Variants in POC1B observed in about 807,000 individuals in gnomAD.
The protein encoded by POC1B is POC1 centriolar protein homolog B.
In POC1B, 44 loss-of-function variants were observed where a neutral mutation model predicts 60.6. The ratio of observed to expected loss-of-function variants is 0.73; its 90% CI spans 0.57 to 0.93. The LOEUF is 0.93. POC1B is among the 40% of genes least tolerant of loss of function. The pLI is 0.00. For missense variants in POC1B, 555 were observed against 572.3 expected (o/e 0.97, Z 0.31); for synonymous variants, 180 against 198.9 (o/e 0.90, Z 0.80).
the POC1B span, among the ~76,000 whole-genome samples, chr12:89,413,230 G>C: frequency 6.6e-6 from 1 of 150,828 alleles, no homozygotes; most frequent in Admixed American, 6.6e-5. Context: ...TTTAGAAACA[G>C]GGTCTCACTA....
At position 89,491,953 on chromosome 12, in the gene POC1B, G is replaced by A. The variant is rs1246075872; in HGVS notation, c.435C>T (p.His145=). Residue 145 remains histidine, a synonymous_variant, in exon 4 of 12, where the codon CAC becomes CAT. Coordinates refer to ENST00000313546, the MANE Select transcript of POC1B (RefSeq NM_172240.3). ...GCACTTACTTGGCACAGCGTACCCAGTGTGTATGTCGATACAAGGAATACA... is the reference window on the plus strand; with the variant it reads ...GCACTTACTTGGCACAGCGTACCCAATGTGTATGTCGATACAAGGAATACA... ...RFLYSLYRHT[H]WVRCAKFSPD... is the part of the protein sequence containing the mutation. 2 of 1,556,850 alleles carry A rather than the reference G, an allele frequency of 1.3e-6. No homozygotes were observed. Among genetic ancestry groups the A allele is most frequent in the East Asian group, 2.3e-5 (1 of 43,688 alleles).
chr12:89,415,770 T>C (rs917469530), downstream of POC1B, among the ~76,000 whole-genome samples: 5 of 152,250 alleles, frequency 3.3e-5, no homozygotes, highest in Admixed American at 2.0e-4. Context: ...TCACCTTTTA[T>C]GGTTAAGGAA....
At chr12:89,515,706 A>G (rs1403266650) in intron 2 of POC1B, among the ~76,000 whole-genome samples, 1 of 152,020 alleles carries the variant, frequency 6.6e-6, no homozygotes, top group African/African-American at 2.4e-5. Context: ...CACTTCTCAA[A>G]TCTCTGATTG....
chr12:89,460,465 C>T (rs915805026), intron 9 of POC1B, among the ~76,000 whole-genome samples: 2 of 151,922 alleles, frequency 1.3e-5, no homozygotes, highest in African/African-American at 4.8e-5. Context: ...AGCAAAATAC[C>T]ACTTAATACC....
At chr12:89,414,253 T>G in the POC1B span, among the ~76,000 whole-genome samples, 1 of 152,200 alleles carries the variant, frequency 6.6e-6, no homozygotes, top group Non-Finnish European at 1.5e-5. Context: ...TGATCGTTAT[T>G]TCTCCTATTG....
Position 89,470,414 on chromosome 12 carries a change from T to G in POC1B, c.757A>C (p.Lys253Gln). 1 of 1,605,336 alleles carries G rather than the reference T, an allele frequency of 6.2e-7. No homozygotes were observed. The change falls in exon 7 of 12, where the codon AAG (lysine) becomes CAG (glutamine). Residue 253 changes from lysine to glutamine, a missense_variant. Physicochemically the swap from Lys to Gln is moderately conservative, Grantham distance 53 (BLOSUM62 1). Transcript: ENST00000313546. ...LITASSDGTL[K>Q]ILDLLEGRLI... ...CTTCCTTCTAAGAGGTCCAGAATCT[T>G]AAGGGTACCATCTGAAGAAGCTGTG...
At chr12:89,485,228 T>G (rs1344584290) in intron 4 of POC1B, 1 of 152,200 alleles carries the variant, frequency 6.6e-6, no homozygotes, top group African/African-American at 2.4e-5. Flanking sequence ...ATTAGAATGA[T>G]TTCATCAAGG....
the POC1B span, among the ~76,000 whole-genome samples, chr12:89,411,135 G>C: frequency 9.3e-4 from 142 of 152,250 alleles, no homozygotes; most frequent in Non-Finnish European, 1.6e-3. Context: ...ATAAACAAAT[G>C]GAGAAACATT....
intron 10 of POC1B, among the ~76,000 whole-genome samples, chr12:89,453,119 T>A (rs1294407616): frequency 1.3e-5 from 2 of 152,242 alleles, no homozygotes; most frequent in African/African-American, 4.8e-5. Flanking sequence ...TACTTGTTAG[T>A]TATCATGTAT....
In POC1B at chr12:89,421,299, G is replaced by C. The variant is rs1565889997; in HGVS notation, c.1333-42C>G. On this transcript the variant is annotated intron_variant, in intron 11 of 11. Coordinates refer to ENST00000313546, the MANE Select transcript of POC1B (RefSeq NM_172240.3). Reference sequence around the variant, plus strand: ...AAAATAATCAATGCCTGGTCCTCTGGTGGTGAGGATGACAATGACAATCTC... The same window carrying C: ...AAAATAATCAATGCCTGGTCCTCTGCTGGTGAGGATGACAATGACAATCTC... 3 of 1,467,396 alleles carry C rather than the reference G, an allele frequency of 2.0e-6. No individual in the cohort carries two copies. In the East Asian group the frequency reaches 7.0e-5, roughly 34 times the overall value. 90.9% of individuals were successfully genotyped at this position (1,467,396 alleles called of 1,614,324 possible).
At chr12:89,502,494 A>G (rs935018583) in intron 2 of POC1B, 3 of 1,093,492 alleles carry the variant, frequency 2.7e-6, no homozygotes, top group South Asian at 1.3e-5. Flanking sequence ...AAAAAATCTA[A>G]TAAGAAAAGG....
At chr12:89,503,358 C>T (rs1869694940) in intron 2 of POC1B, among the ~76,000 whole-genome samples, 1 of 152,264 alleles carries the variant, frequency 6.6e-6, no homozygotes, top group Non-Finnish European at 1.5e-5. Flanking sequence ...CGCGAGTGAT[C>T]TGCCAGCCTC....
intron 3 of POC1B, 87 bp downstream of exon 3, chr12:89,497,084 G>C (rs1869287150): frequency 1.5e-6 from 2 of 1,342,764 alleles, no homozygotes; most frequent in Admixed American, 2.0e-5. Context: ...AACAGTGCAG[G>C]CAGCAGTGCA....
intron 11 of POC1B, among the ~76,000 whole-genome samples, chr12:89,422,512 T>C (rs1565890487): frequency 6.6e-6 from 1 of 152,178 alleles, no homozygotes; most frequent in African/African-American, 2.4e-5. Context: ...ATTCTCTAAG[T>C]TGGCTATTGG....
Position 89,459,637 on chromosome 12 carries a change from C to CTG in POC1B, c.1112_1113dup (p.Thr372GlnfsTer22). ...AAAAAAAAAAAAAAAACCCGACTTA[C>CTG]TGTGGTAGAATCAAAAGAAAGGATA... On this transcript the variant is annotated frameshift_variant and splice_region_variant. Transcript: ENST00000313546. LOFTEE classifies it high-confidence loss of function. 8.1e-7 allele frequency: 1 copy of CTG among 1,229,526 alleles called. No homozygotes were observed. Among genetic ancestry groups the CTG allele is most frequent in the Non-Finnish European group, 1.1e-6 (1 of 899,344 alleles). 76.2% of individuals were successfully genotyped at this position (1,229,526 alleles called of 1,614,324 possible).
chr12:89,468,675 TTA>T (rs57354077), intron 7 of POC1B, among the ~76,000 whole-genome samples: 79,004 of 151,474 alleles, frequency 0.52, 20,912 homozygotes, highest in African/African-American at 0.61. Flanking sequence ...CTTTTATTTG[TTA>T]TGTTTATTCA....
intron 2 of POC1B, among the ~76,000 whole-genome samples, chr12:89,511,310 G>A (rs1870174544): frequency 6.6e-6 from 1 of 151,962 alleles, no homozygotes; most frequent in African/African-American, 2.4e-5. Context: ...CAGCTACTTG[G>A]GAGGCTGAGG....
chr12:89,432,781 G>T (rs1198005314), intron 10 of POC1B, among the ~76,000 whole-genome samples: 1 of 152,204 alleles, frequency 6.6e-6, no homozygotes, highest in East Asian at 1.9e-4. Context: ...TAATACAATT[G>T]GAAATATATG....
At chr12:89,465,454 C>T (rs1882650984) in intron 9 of POC1B, among the ~76,000 whole-genome samples, 1 of 151,772 alleles carries the variant, frequency 6.6e-6, no homozygotes, top group Non-Finnish European at 1.5e-5. Flanking sequence ...GGCCAAACCA[C>T]AAGATGACAG....
Sources: gnomAD v4.1 joint callset for allele counts (sites outside exome capture counted in the v4.1 genomes callset) on GRCh38, gnomAD v4.1.1 for gene constraint, MANE v1.5 for transcripts, NCBI Gene and HGNC (gene_info 2026-07-23, HGNC 2026-07-21) for gene names.